The following CIB4 variants were observed in gnomAD, a reference collection of about 807,000 sequenced individuals.
CIB4 encodes calcium and integrin binding family member 4.
Under a neutral mutation model 25.8 loss-of-function variants are expected in CIB4, and 25 were observed. The observed-to-expected ratio is 0.97, with a 90% CI of 0.71 to 1.35. The LOEUF (loss-of-function observed/expected upper bound fraction) is 1.35, where lower values mean the gene tolerates loss of function less well. Ranked by LOEUF, CIB4 falls within the 40% of genes most tolerant of loss-of-function variation. The probability of loss-of-function intolerance (pLI) is 0.00; values close to 1 mark genes in which losing one functional copy is unlikely to be tolerated. For missense variants in CIB4, 235 were observed against 228.2 expected (o/e 1.03, Z -0.19); for synonymous variants, 75 against 81.4 (o/e 0.92, Z 0.42).
chr2:26,595,897 GCA>G (rs61283412), intron 3 of CIB4, among the ~76,000 whole-genome samples: 2,852 of 32,094 alleles, frequency 0.089, 92 homozygotes, highest in African/African-American at 0.14. Flanking sequence ...TTATCTGCGC[GCA>G]CACACACACA....
intron 2 of CIB4, 76 bp from the exon 3 acceptor site, chr2:26,629,582 C>A (rs894210247): frequency 3.3e-5 from 32 of 978,384 alleles, no homozygotes; most frequent in African/African-American, 1.6e-5. Flanking sequence ...AGGAGGCCAG[C>A]AAGCCTGTCT....
chr2:26,620,386 A>G (rs2148217226), intron 3 of CIB4, among the ~76,000 whole-genome samples: 1 of 152,292 alleles, frequency 6.6e-6, no homozygotes, highest in East Asian at 1.9e-4. Context: ...CCGCCAACCT[A>G]CAGGCTGCTC....
rs563430979 is a variant in CIB4 at position 26,598,827 on chromosome 2, A to G, written c.187-3510T>C. Among the ~76,000 whole-genome samples, 4 of 152,204 alleles carry G rather than the reference A, an allele frequency of 2.6e-5. No homozygotes were observed. In the East Asian group the frequency reaches 7.7e-4, roughly 29 times the overall value. The stretch of plus-strand genomic sequence containing the variant: ...CCGATAGTGCTGCGGGAGAGTTTCT[A>G]GGGGCCCTGGTGGGGCAGCCTCATG... On this transcript the variant is annotated intron_variant, in intron 3 of 6. Transcript: ENST00000288861.
intron 2 of CIB4, among the ~76,000 whole-genome samples, chr2:26,632,757 CAAA>C (rs58312058): frequency 6.7e-5 from 8 of 120,122 alleles, no homozygotes; most frequent in Admixed American, 1.6e-4. Context: ...GACTCCATCT[CAAA>C]AAAAAAAAAA....
chr2:26,634,206 G>A (rs888474389), intron 2 of CIB4, among the ~76,000 whole-genome samples: 2 of 152,072 alleles, frequency 1.3e-5, no homozygotes, highest in Admixed American at 6.6e-5. Flanking sequence ...TGACAAACCC[G>A]AATTCCCACT....
intron 3 of CIB4, among the ~76,000 whole-genome samples, chr2:26,610,025 A>AGGCTGGGTTCCGCTTGGAGT (rs1472604325): frequency 1.3e-5 from 2 of 152,216 alleles, no homozygotes; most frequent in Non-Finnish European, 2.9e-5. Flanking sequence ...TCGTGGGAGC[A>AGGCTGGGTTCCGCTTGGAGT]GGCTGGGTTC....
At chr2:26,593,540 T>A (rs1220785287) in intron 4 of CIB4, among the ~76,000 whole-genome samples, 1 of 152,228 alleles carries the variant, frequency 6.6e-6, no homozygotes, top group Admixed American at 6.5e-5. Context: ...TAGCTAATTT[T>A]AAATCTTTAT....
intron 3 of CIB4, among the ~76,000 whole-genome samples, chr2:26,602,193 T>C (rs143819757): frequency 0.035 from 5,343 of 152,300 alleles, 126 homozygotes; most frequent in Middle Eastern, 0.075. Flanking sequence ...AAACCAACTG[T>C]ATTACAAATG....
At chr2:26,608,136 G>A (rs1668926998) in intron 3 of CIB4, among the ~76,000 whole-genome samples, 1 of 152,010 alleles carries the variant, frequency 6.6e-6, no homozygotes, top group Non-Finnish European at 1.5e-5. Context: ...TACTCAGGAG[G>A]CTGAGGCAGG....
intron 2 of CIB4, among the ~76,000 whole-genome samples, chr2:26,634,752 T>C (rs1361610016): frequency 1.3e-5 from 2 of 151,938 alleles, no homozygotes; most frequent in African/African-American, 4.8e-5. Context: ...GGCCATGGAG[T>C]CTACAAAGTG....
In CIB4 at chr2:26,581,425, C is replaced by T. The variant is rs756003856; in HGVS notation, c.528-32G>A. 47 of 1,612,528 alleles carry T rather than the reference C, an allele frequency of 2.9e-5. 1 individual carries two copies. The East Asian group carries it at 9.6e-4, about 33-fold the overall frequency. ...GAAAGAATCCCGTGAGCCATGTGAG[C>T]CCGCAGGTCCAAGGGGCCCTCTGAC... On this transcript the variant is annotated intron_variant, in intron 6 of 6. Coordinates refer to ENST00000288861, the MANE Select transcript of CIB4 (RefSeq NM_001029881.3).
chr2:26,625,006 A>T (rs74640907), intron 3 of CIB4, among the ~76,000 whole-genome samples: 6,801 of 152,146 alleles, frequency 0.045, 514 homozygotes, highest in East Asian at 0.33. Context: ...GCATCACAAC[A>T]TCTCATGTAC....
intron 6 of CIB4, among the ~76,000 whole-genome samples, chr2:26,582,074 C>T (rs1051527937): frequency 6.6e-6 from 1 of 152,230 alleles, no homozygotes; most frequent in Admixed American, 6.5e-5. Context: ...CAGAGGGACC[C>T]AGCAGCCCCG....
At chr2:26,584,119 A>T (rs1668406249) in intron 4 of CIB4, among the ~76,000 whole-genome samples, 1 of 152,146 alleles carries the variant, frequency 6.6e-6, no homozygotes, top group South Asian at 2.1e-4. Flanking sequence ...TGTGTGTACT[A>T]CATGCTCAGA....
chr2:26,637,191 A>G lies in CIB4; in HGVS notation c.89+3342T>C, dbSNP rs140563730. On this transcript the variant is annotated intron_variant, in intron 2 of 6. Coordinates refer to ENST00000288861, the MANE Select transcript of CIB4 (RefSeq NM_001029881.3). ...TGCAGAGGGAGAGAGAAGGAATCACATAAGACTTTCAATCTGCCTTTCTGT... is the reference window on the plus strand; with the variant it reads ...TGCAGAGGGAGAGAGAAGGAATCACGTAAGACTTTCAATCTGCCTTTCTGT... Among the ~76,000 whole-genome samples the G allele has an allele frequency of 3.6e-3, 546 of 152,294 alleles. 3 individuals carry two copies. Among genetic ancestry groups the G allele is most frequent in the African/African-American group, 0.011 (466 of 41,542 alleles).
intron 3 of CIB4, among the ~76,000 whole-genome samples, chr2:26,600,953 G>C (rs1230634398): frequency 2.0e-5 from 3 of 152,140 alleles, no homozygotes; most frequent in Middle Eastern, 3.4e-3. Flanking sequence ...ACCTAGGCTG[G>C]GAGCGGTGGC....
At chr2:26,602,917 T>C (rs767908499) in intron 3 of CIB4, among the ~76,000 whole-genome samples, 8 of 152,046 alleles carry the variant, frequency 5.3e-5, no homozygotes, top group East Asian at 3.9e-4. Flanking sequence ...TAAGCTGGTG[T>C]GGTGTTCTGT....
At chr2:26,591,615 G>T (rs987550976) in intron 4 of CIB4, among the ~76,000 whole-genome samples, 1 of 152,194 alleles carries the variant, frequency 6.6e-6, no homozygotes, top group African/African-American at 2.4e-5. Flanking sequence ...TCAGGCTTTC[G>T]TATAATCCCC....
chr2:26,639,242 A>C (rs1572577847), intron 2 of CIB4, among the ~76,000 whole-genome samples: 1 of 151,916 alleles, frequency 6.6e-6, no homozygotes, highest in East Asian at 1.9e-4. Flanking sequence ...ACATGTGCAG[A>C]ACATGCAGGT....
Sources: allele counts gnomAD v4.1 joint callset (sites outside exome capture counted in the v4.1 genomes callset), GRCh38; gene constraint gnomAD v4.1.1; transcripts MANE v1.5; gene names NCBI Gene and HGNC (gene_info 2026-07-23, HGNC 2026-07-21).